MSH3: variants seen among roughly 807,000 people sequenced by gnomAD.
MSH3 encodes the protein DNA mismatch repair protein Msh3.
MSH3 carries 106 observed loss-of-function variants against 123.3 expected under a neutral mutation model. The ratio of observed to expected loss-of-function variants is 0.86; its 90% CI spans 0.73 to 1.01. The LOEUF is 1.01. Ranked by LOEUF, MSH3 falls within the 50% of genes least tolerant of loss-of-function variation. The probability of loss-of-function intolerance (pLI) is 0.00; values close to 1 mark genes in which losing one functional copy is unlikely to be tolerated. For synonymous variants in MSH3, 515 were observed against 481.4 expected (o/e 1.07, Z -0.91); for missense variants, 1,459 against 1,347.6 (o/e 1.08, Z -1.29).
At chr5:80,678,002 G>T (rs1302681184) in intron 7 of MSH3, among the ~76,000 whole-genome samples, 1 of 152,142 alleles carries the variant, frequency 6.6e-6, no homozygotes, top group Non-Finnish European at 1.5e-5. Context: ...ATATCCTTGG[G>T]GGAGGAATTG....
chr5:80,805,461 A>G (rs972814861), intron 19 of MSH3, among the ~76,000 whole-genome samples: 2 of 152,194 alleles, frequency 1.3e-5, no homozygotes, highest in Admixed American at 1.3e-4. Flanking sequence ...AAAATTTGAG[A>G]TACTCTACAC....
rs755783306 is a variant in MSH3, at chr5:80,875,747, C to T, written c.3303-4C>T. 12 of 1,579,124 alleles carry T rather than the reference C, an allele frequency of 7.6e-6. No homozygotes were observed. The African/African-American group carries it at 1.5e-4, about 20-fold the overall frequency. ...TAAATAAGTAGTATTTGATTTTTCC[C>T]CAGAAAGAGACTCAAGTATTTTGCA... is the stretch of plus-strand genomic sequence containing the variant. On this transcript the variant is annotated splice_polypyrimidine_tract_variant and splice_region_variant and intron_variant, in intron 23 of 23. Transcript: ENST00000265081.
chr5:80,761,240 C>G (rs748020141), intron 12 of MSH3, among the ~76,000 whole-genome samples: 9 of 152,130 alleles, frequency 5.9e-5, no homozygotes, highest in Non-Finnish European at 1.2e-4. Context: ...GAGAATCTTG[C>G]TAGTATGCTT....
At chr5:80,868,938 T>C (rs1746151809) in intron 22 of MSH3, among the ~76,000 whole-genome samples, 1 of 152,162 alleles carries the variant, frequency 6.6e-6, no homozygotes, top group South Asian at 2.1e-4. Context: ...ATCCATTACC[T>C]CTTCCCCAAC....
At chr5:80,856,443 T>A (rs1408292323) in intron 21 of MSH3, among the ~76,000 whole-genome samples, 14 of 150,456 alleles carry the variant, frequency 9.3e-5, no homozygotes, top group Admixed American at 8.0e-4. Context: ...CAGCAAACTA[T>A]CGCAAGGACA....
At chr5:80,826,864 C>G (rs1166419935) in intron 20 of MSH3, among the ~76,000 whole-genome samples, 1 of 152,016 alleles carries the variant, frequency 6.6e-6, no homozygotes, top group African/African-American at 2.4e-5. Context: ...AATCTTTTAT[C>G]TGAATACTAT....
intron 10 of MSH3, among the ~76,000 whole-genome samples, chr5:80,736,720 A>G (rs1743515467): frequency 6.6e-6 from 1 of 152,168 alleles, no homozygotes. Flanking sequence ...CCAGTCCGGC[A>G]TAGAAACCAT....
intron 9 of MSH3, among the ~76,000 whole-genome samples, chr5:80,725,958 T>A (rs1455180517): frequency 6.6e-6 from 1 of 152,224 alleles, no homozygotes; most frequent in East Asian, 1.9e-4. Context: ...CCATCTTTCC[T>A]TTTTGCTTAT....
intron 19 of MSH3, among the ~76,000 whole-genome samples, chr5:80,809,379 T>C (rs887956651): frequency 6.5e-5 from 5 of 76,548 alleles, no homozygotes; most frequent in Non-Finnish European, 1.2e-4. Context: ...GAATACACTG[T>C]CAAATTATTG....
intron 19 of MSH3, among the ~76,000 whole-genome samples, chr5:80,794,092 C>T (rs1172646485): frequency 5.3e-5 from 8 of 152,184 alleles, no homozygotes; most frequent in African/African-American, 1.4e-4. Flanking sequence ...GCTTATACCA[C>T]ATTTCAAAGA....
chr5:80,658,399 G>A (rs1205581916), intron 2 of MSH3, among the ~76,000 whole-genome samples: 1 of 152,150 alleles, frequency 6.6e-6, no homozygotes, highest in African/African-American at 2.4e-5. Context: ...GGTGATAGAT[G>A]AAGAGAATTG....
intron 8 of MSH3, among the ~76,000 whole-genome samples, chr5:80,718,468 C>A (rs1220223347): frequency 6.7e-6 from 1 of 148,200 alleles, no homozygotes; most frequent in African/African-American, 2.5e-5. Context: ...CCCTCTCCAT[C>A]TCTTTTTATT....
chr5:80,718,407 T>G (rs1554069758), intron 8 of MSH3, among the ~76,000 whole-genome samples: 2 of 152,106 alleles, frequency 1.3e-5, no homozygotes, highest in Non-Finnish European at 1.5e-5. Context: ...TGCATACCAC[T>G]GTGTCTGACT....
chr5:80,814,336 A>G (rs570974631), intron 20 of MSH3, among the ~76,000 whole-genome samples: 93 of 152,280 alleles, frequency 6.1e-4, no homozygotes, highest in African/African-American at 2.2e-3. Flanking sequence ...CAATGGCACT[A>G]TCTCAGCTCA....
intron 17 of MSH3, among the ~76,000 whole-genome samples, chr5:80,779,740 A>G (rs1367342340): frequency 1.3e-5 from 2 of 148,176 alleles, no homozygotes; most frequent in Non-Finnish European, 3.0e-5. Flanking sequence ...TTTTTTTTGT[A>G]TTTTTAATAG....
intron 20 of MSH3, among the ~76,000 whole-genome samples, chr5:80,836,380 G>A (rs774415032): frequency 2.0e-4 from 30 of 152,084 alleles, no homozygotes; most frequent in Non-Finnish European, 4.1e-4. Flanking sequence ...AGTGAGGTCA[G>A]TTCTATGGGA....
chr5:80,770,999 T>C (rs952574617), intron 15 of MSH3, among the ~76,000 whole-genome samples: 4 of 152,204 alleles, frequency 2.6e-5, no homozygotes, highest in African/African-American at 7.2e-5. Flanking sequence ...CTAGGTTAAG[T>C]TGATGAATTT....
In MSH3 at chr5:80,813,644, A is replaced by G. The variant is rs767359174; in HGVS notation, c.2716A>G (p.Ile906Val). The G allele has an allele frequency of 1.3e-5, 21 of 1,614,110 alleles. No individual in the cohort carries two copies. The highest frequency in any genetic ancestry group is 1.8e-5 in the Non-Finnish European group (21 of 1,180,026). The change falls in exon 20 of 24, where the codon ATA becomes GTA. Residue 906 changes from isoleucine (I) to valine (V), a missense_variant. Coordinates refer to ENST00000265081, the MANE Select transcript of MSH3 (RefSeq NM_002439.5). ...GPNMGGKSSYIKQVALITIMA... is the reference protein window; with the variant it reads ...GPNMGGKSSYVKQVALITIMA... ...AAACATGGGTGGAAAGAGCTCCTAC[A>G]TAAAACAAGTTGCATTGATTACCAT...
At chr5:80,675,591 A>T (rs1749822695) in intron 7 of MSH3, among the ~76,000 whole-genome samples, 1 of 152,200 alleles carries the variant, frequency 6.6e-6, no homozygotes, top group Non-Finnish European at 1.5e-5. Context: ...AGCAAGGAGG[A>T]AATCTGGCCT....
Sources: allele counts gnomAD v4.1 joint callset (sites outside exome capture counted in the v4.1 genomes callset), GRCh38; gene constraint gnomAD v4.1.1; transcripts MANE v1.5; gene names NCBI Gene and HGNC (gene_info 2026-07-23, HGNC 2026-07-21).